The following LUZP2 variants were observed in gnomAD, a reference collection of about 807,000 sequenced individuals.
LUZP2 encodes leucine zipper protein 2.
Under a neutral mutation model 51.6 loss-of-function variants are expected in LUZP2, and 52 were observed. The ratio of observed to expected loss-of-function variants is 1.01; its 90% CI spans 0.81 to 1.27. LUZP2 has a LOEUF of 1.27. LUZP2 is among the 50% of genes most tolerant of loss of function. LUZP2 has a pLI of 0.00. For synonymous variants in LUZP2, 154 were observed against 137.3 expected, an observed-to-expected ratio of 1.12 and a Z score of -0.85; for missense variants, 436 against 395.4, an observed-to-expected ratio of 1.10 and a Z score of -0.87.
At chr11:24,579,479 T>C (rs1160030054) in intron 1 of LUZP2, among the ~76,000 whole-genome samples, 1 of 152,122 alleles carries the variant, frequency 6.6e-6, no homozygotes, top group Non-Finnish European at 1.5e-5. Context: ...AGCCCACCTC[T>C]GCACAATTGC....
chr11:24,586,353 G>T (rs1853066171), intron 1 of LUZP2, among the ~76,000 whole-genome samples: 1 of 151,858 alleles, frequency 6.6e-6, no homozygotes, highest in African/African-American at 2.4e-5. Context: ...GTGTTTTTTA[G>T]AGTTGTATTT....
intron 1 of LUZP2, among the ~76,000 whole-genome samples, chr11:24,506,076 G>T (rs531870036): frequency 1.3e-3 from 205 of 152,162 alleles, no homozygotes; most frequent in African/African-American, 4.8e-3. Flanking sequence ...GAAGGTCCTG[G>T]ACTTCTAAAA....
chr11:25,018,925 G>A (rs1298833219), intron 9 of LUZP2, among the ~76,000 whole-genome samples: 2 of 152,058 alleles, frequency 1.3e-5, no homozygotes, highest in Non-Finnish European at 1.5e-5. Flanking sequence ...CCCTTTAAAT[G>A]ACTTTATTTT....
intron 1 of LUZP2, among the ~76,000 whole-genome samples, chr11:24,722,908 C>A (rs79332777): frequency 0.027 from 4,122 of 150,728 alleles, 196 homozygotes; most frequent in African/African-American, 0.094. Flanking sequence ...CAGAGTGAGA[C>A]CTCATATTAA....
intron 1 of LUZP2, among the ~76,000 whole-genome samples, chr11:24,591,063 TG>T (rs1166076082): frequency 6.6e-6 from 1 of 152,148 alleles, no homozygotes; most frequent in Non-Finnish European, 1.5e-5. Context: ...GAGCTATAAT[TG>T]TGCTACTGCA....
chr11:24,722,853 G>T (rs1009805467), intron 1 of LUZP2, among the ~76,000 whole-genome samples: 2 of 151,818 alleles, frequency 1.3e-5, no homozygotes, highest in East Asian at 1.9e-4. Flanking sequence ...GGACGTGGAG[G>T]TTGCAGTGAG....
At chr11:24,533,890 G>A (rs1851089462) in intron 1 of LUZP2, among the ~76,000 whole-genome samples, 1 of 151,068 alleles carries the variant, frequency 6.6e-6, no homozygotes, top group Admixed American at 6.6e-5. Flanking sequence ...ACATATCTGT[G>A]CTCCCTTCTC....
chr11:24,688,402 C>A (rs990554996), intron 1 of LUZP2, among the ~76,000 whole-genome samples: 1 of 152,026 alleles, frequency 6.6e-6, no homozygotes, highest in African/African-American at 2.4e-5. Flanking sequence ...GGGGAACTAC[C>A]GTGAGAAAGT....
At chr11:24,563,930 A>G (rs1226257643) in intron 1 of LUZP2, among the ~76,000 whole-genome samples, 1 of 152,154 alleles carries the variant, frequency 6.6e-6, no homozygotes, top group Non-Finnish European at 1.5e-5. Context: ...AATATATCTT[A>G]GTCTCAAGTC....
At chr11:24,825,336 T>C (rs1258920544) in intron 5 of LUZP2, among the ~76,000 whole-genome samples, 1 of 152,182 alleles carries the variant, frequency 6.6e-6, no homozygotes, top group Non-Finnish European at 1.5e-5. Context: ...ATCCCAATAT[T>C]GGTATCAACT....
At chr11:24,610,019 G>A (rs1384885606) in intron 1 of LUZP2, among the ~76,000 whole-genome samples, 1 of 152,122 alleles carries the variant, frequency 6.6e-6, no homozygotes, top group African/African-American at 2.4e-5. Context: ...CAACAACTGA[G>A]GCAGACAATT....
In LUZP2 at chr11:24,797,945, G is replaced by A. The variant is rs904110076; in HGVS notation, c.396+34637G>A. 2.0e-5 allele frequency among the ~76,000 whole-genome samples: 3 copies of A among 152,090 alleles called. No homozygotes were observed. In the East Asian group the frequency reaches 5.8e-4, roughly 29 times the overall value. On this transcript the variant is annotated intron_variant, in intron 5 of 11. Transcript: ENST00000336930. ...CTATTTGTGAGAGAAAATAATTAGAGCCTGTGTCTGACATGATACTAAGAA... is the reference window on the plus strand; with the variant it reads ...CTATTTGTGAGAGAAAATAATTAGAACCTGTGTCTGACATGATACTAAGAA...
At chr11:25,019,869 T>C (rs996731509) in intron 9 of LUZP2, among the ~76,000 whole-genome samples, 2 of 147,528 alleles carry the variant, frequency 1.4e-5, no homozygotes, top group Non-Finnish European at 2.9e-5. Context: ...CTTTATCTTC[T>C]TAAAAATGAC....
intron 5 of LUZP2, among the ~76,000 whole-genome samples, chr11:24,882,987 GAAGGA>G (rs1029914971): frequency 2.9e-4 from 44 of 149,224 alleles, no homozygotes; most frequent in African/African-American, 9.9e-4. Flanking sequence ...AGGAAGGAAG[GAAGGA>G]AAGAAAAGAA....
intron 9 of LUZP2, among the ~76,000 whole-genome samples, chr11:25,019,276 T>C (rs1344335844): frequency 6.6e-6 from 1 of 152,182 alleles, no homozygotes; most frequent in Non-Finnish European, 1.5e-5. Flanking sequence ...TCATATAGAA[T>C]GTCATACATC....
chr11:24,759,994 A>C (rs1351167393), intron 4 of LUZP2, among the ~76,000 whole-genome samples: 1 of 152,182 alleles, frequency 6.6e-6, no homozygotes, highest in African/African-American at 2.4e-5. Context: ...GAATACATGT[A>C]AGATGTACAT....
chr11:24,649,879 G>A (rs1185065914), intron 1 of LUZP2, among the ~76,000 whole-genome samples: 1 of 151,676 alleles, frequency 6.6e-6, no homozygotes, highest in Non-Finnish European at 1.5e-5. Flanking sequence ...TCAGAATTAA[G>A]TTCATTTATT....
intron 1 of LUZP2, among the ~76,000 whole-genome samples, chr11:24,705,907 A>C (rs952474684): frequency 3.3e-5 from 5 of 151,838 alleles, no homozygotes; most frequent in Admixed American, 1.3e-4. Context: ...CAGCAATGGA[A>C]AATATGTGCT....
chr11:24,751,446 T>C, intron 4 of LUZP2: 1 of 250,412 alleles, frequency 4.0e-6, no homozygotes, highest in Non-Finnish European at 6.3e-6. Context: ...TTCTGTCCCT[T>C]CCCCTTAGAA....
Sources: gnomAD v4.1 joint callset for allele counts (sites outside exome capture counted in the v4.1 genomes callset) on GRCh38, gnomAD v4.1.1 for gene constraint, MANE v1.5 for transcripts, NCBI Gene and HGNC (gene_info 2026-07-23, HGNC 2026-07-21) for gene names.